Variants in OTUD7B observed in about 807,000 individuals in gnomAD.
The protein encoded by OTUD7B is OTU deubiquitinase 7B.
OTUD7B carries 34 observed loss-of-function variants against 82.2 expected under a neutral mutation model. The ratio of observed to expected loss-of-function variants is 0.41; its 90% CI spans 0.31 to 0.55. The LOEUF is 0.55. Ranked by LOEUF, OTUD7B falls within the 20% of genes least tolerant of loss-of-function variation. The probability of loss-of-function intolerance (pLI) is 0.20; values close to 1 mark genes in which losing one functional copy is unlikely to be tolerated. For synonymous variants in OTUD7B, 398 were observed against 402.7 expected, an observed-to-expected ratio of 0.99 and a Z score of 0.14; for missense variants, 944 against 1,062.1, an observed-to-expected ratio of 0.89 and a Z score of 1.55.
rs900928694 is a variant in OTUD7B at position 149,941,313 on chromosome 1, G to A, written c.*2544C>T. 10 of 152,168 alleles carry A rather than the reference G, an allele frequency of 6.6e-5. No homozygotes were observed. Among genetic ancestry groups the A allele is most frequent in the Non-Finnish European group, 1.5e-5 (1 of 68,016 alleles). 9.4% of individuals were successfully genotyped at this position (152,168 alleles called of 1,614,324 possible). A position where few individuals can be genotyped will look rare whatever the true frequency, so the allele number is the denominator to read the frequency against. On this transcript the variant is annotated 3_prime_UTR_variant, in exon 12 of 12. Coordinates refer to ENST00000581312, the MANE Select transcript of OTUD7B (RefSeq NM_020205.4). The stretch of plus-strand genomic sequence containing the variant: ...GCTTTATTCTCTGGGAAAACCCCTG[G>A]TCTGTTTTCATTCCTATTGGTCCAG...
chr1:149,948,961 TG>T lies in OTUD7B; in HGVS notation c.1238+7del. The T allele has an allele frequency of 6.4e-7, 1 of 1,556,396 alleles. No individual in the cohort carries two copies. Among genetic ancestry groups the T allele is most frequent in the Non-Finnish European group, 8.9e-7 (1 of 1,127,364 alleles). On this transcript the variant is annotated splice_region_variant and intron_variant, in intron 10 of 11. Transcript: ENST00000581312. Reference sequence around the variant, plus strand: ...ACAAAATAGATGAAAAGACTAGGCCTGGCTTACCTGGCCAATCGGACATTGT... The same window carrying T: ...ACAAAATAGATGAAAAGACTAGGCCTGCTTACCTGGCCAATCGGACATTGT...
At chr1:150,007,044 C>A (rs904129894) in intron 1 of OTUD7B, among the ~76,000 whole-genome samples, 1 of 152,210 alleles carries the variant, frequency 6.6e-6, no homozygotes. Context: ...CCCCTCCACC[C>A]TCTTGCCTGC....
intron 9 of OTUD7B, 79 bp from the exon 10 acceptor site, chr1:149,949,162 T>C: frequency 1.2e-6 from 1 of 848,970 alleles, no homozygotes; most frequent in Non-Finnish European, 2.0e-6. Context: ...TTCACTAAAA[T>C]CATACTAAGG....
At chr1:150,019,813 G>A in the OTUD7B span, among the ~76,000 whole-genome samples, 6 of 150,890 alleles carry the variant, frequency 4.0e-5, no homozygotes, top group African/African-American at 1.5e-4. Flanking sequence ...TGGGATCATT[G>A]TGTAACTGAG....
the OTUD7B span, among the ~76,000 whole-genome samples, chr1:150,043,433 T>C: frequency 6.6e-6 from 1 of 152,182 alleles, no homozygotes; most frequent in Non-Finnish European, 1.5e-5. Context: ...ATTTATTCCA[T>C]ACAGTTTTTG....
intron 7 of OTUD7B, among the ~76,000 whole-genome samples, chr1:149,958,008 C>A (rs1553774899): frequency 6.6e-6 from 1 of 152,222 alleles, no homozygotes. Context: ...CCCCGCCCTG[C>A]TTCGGCTCAC....
the OTUD7B span, among the ~76,000 whole-genome samples, chr1:150,042,471 G>A: frequency 1.5e-4 from 23 of 151,888 alleles, 1 homozygote; most frequent in South Asian, 4.4e-3. Flanking sequence ...ACCGCAACCC[G>A]CCCCAAGAGT....
chr1:150,056,917 T>C, the OTUD7B span, among the ~76,000 whole-genome samples: 1 of 152,178 alleles, frequency 6.6e-6, no homozygotes, highest in Non-Finnish European at 1.5e-5. Flanking sequence ...GGTGAAAGTA[T>C]GATGAGAAAC....
At chr1:149,946,183 C>T (rs1344616571) in intron 11 of OTUD7B, among the ~76,000 whole-genome samples, 13 of 150,550 alleles carry the variant, frequency 8.6e-5, no homozygotes, top group Admixed American at 6.6e-4. Context: ...GCCAACATGG[C>T]GAAACCCCAT....
chr1:150,060,525 G>A, the OTUD7B span, among the ~76,000 whole-genome samples: 28 of 152,292 alleles, frequency 1.8e-4, no homozygotes, highest in African/African-American at 6.0e-4. Context: ...CGTTTCTATT[G>A]TTTAAGCTAC....
intron 1 of OTUD7B, among the ~76,000 whole-genome samples, chr1:149,984,877 T>C (rs1436375050): frequency 2.6e-5 from 4 of 152,116 alleles, no homozygotes; most frequent in Non-Finnish European, 2.9e-5. Context: ...ACCTTAAATA[T>C]CTCTCAAATC....
chr1:149,979,629 C>T (rs1042464207), intron 1 of OTUD7B, among the ~76,000 whole-genome samples: 4 of 152,114 alleles, frequency 2.6e-5, no homozygotes, highest in Admixed American at 1.3e-4. Context: ...ACATAAAGAA[C>T]TTTTGGTCTA....
At chr1:149,968,579 C>G (rs1553777084) in intron 3 of OTUD7B, among the ~76,000 whole-genome samples, 1 of 152,086 alleles carries the variant, frequency 6.6e-6, no homozygotes, top group Non-Finnish European at 1.5e-5. Context: ...AATGATGATC[C>G]AAAGGGGGCA....
intron 7 of OTUD7B, among the ~76,000 whole-genome samples, chr1:149,950,789 G>GGTTTT (rs1559828301): frequency 3.0e-5 from 4 of 132,732 alleles, no homozygotes; most frequent in African/African-American, 5.5e-5. Flanking sequence ...TGTGTTTTTT[G>GGTTTT]TTTTTTTTTC....
the OTUD7B span, among the ~76,000 whole-genome samples, chr1:150,063,139 C>T: frequency 6.6e-6 from 1 of 152,182 alleles, no homozygotes; most frequent in African/African-American, 2.4e-5. Flanking sequence ...GAGTATATTA[C>T]CTGTAGTTTC....
intron 4 of OTUD7B, 28 bp from the exon 5 acceptor site, chr1:149,965,906 GGA>G: frequency 8.2e-6 from 13 of 1,577,350 alleles, no homozygotes; most frequent in Non-Finnish European, 1.0e-5. Flanking sequence ...TGGAGGAAAA[GGA>G]GATTATCCAT....
In OTUD7B at chr1:149,965,428, C is replaced by T. The variant is rs1358342813; in HGVS notation, c.604+349G>A. The stretch of plus-strand genomic sequence containing the variant: ...GTTACAAAGGACTGCTAAAAACATA[C>T]CTTTTTCATACAACAAAAGAATAAA... On this transcript the variant is annotated intron_variant, in intron 5 of 11. Transcript: ENST00000581312. Among the ~76,000 whole-genome samples the T allele has an allele frequency of 2.0e-5, 3 of 152,280 alleles. No individual in the cohort carries two copies. In the East Asian group the frequency reaches 5.8e-4, roughly 29 times the overall value.
the OTUD7B span, among the ~76,000 whole-genome samples, chr1:150,058,871 T>C: frequency 6.6e-6 from 1 of 152,128 alleles, no homozygotes; most frequent in African/African-American, 2.4e-5. Context: ...TCTTTATGCT[T>C]ATCTGTCAGA....
At chr1:149,977,168 G>A (rs1650383079) in intron 2 of OTUD7B, among the ~76,000 whole-genome samples, 1 of 152,072 alleles carries the variant, frequency 6.6e-6, no homozygotes, top group Non-Finnish European at 1.5e-5. Flanking sequence ...GTTTGTAATG[G>A]ACTAATATAA....
Sources: allele counts gnomAD v4.1 joint callset (sites outside exome capture counted in the v4.1 genomes callset), GRCh38; gene constraint gnomAD v4.1.1; transcripts MANE v1.5; gene names NCBI Gene and HGNC (gene_info 2026-07-23, HGNC 2026-07-21).